KCNIP4: variants seen among roughly 807,000 people sequenced by gnomAD.
KCNIP4 encodes potassium voltage-gated channel interacting protein 4.
Under a neutral mutation model 34.0 loss-of-function variants are expected in KCNIP4, and 12 were observed. The observed-to-expected ratio is 0.35, with a 90% confidence interval of 0.23 to 0.57. The LOEUF (loss-of-function observed/expected upper bound fraction) is 0.57. KCNIP4 is among the 20% of genes least tolerant of loss of function. The pLI, the probability that KCNIP4 is intolerant of heterozygous loss-of-function variation, is 0.83. For synonymous variants in KCNIP4, 124 were observed against 102.2 expected, an observed-to-expected ratio of 1.21 and a Z score of -1.29; for missense variants, 238 against 311.7, an observed-to-expected ratio of 0.76 and a Z score of 1.78.
intron 1 of KCNIP4, among the ~76,000 whole-genome samples, chr4:21,006,046 C>T (rs9999353): frequency 0.023 from 3,565 of 152,212 alleles, 149 homozygotes; most frequent in African/African-American, 0.081. Context: ...GATTGAAGCA[C>T]AGAGAGACTA....
At chr4:21,264,939 A>G (rs1761700484) in intron 1 of KCNIP4, among the ~76,000 whole-genome samples, 1 of 151,956 alleles carries the variant, frequency 6.6e-6, no homozygotes, top group Non-Finnish European at 1.5e-5. Flanking sequence ...TCTCTACTAA[A>G]AATAAAACAC....
intron 1 of KCNIP4, among the ~76,000 whole-genome samples, chr4:21,005,345 A>G (rs1738464708): frequency 6.6e-6 from 1 of 152,124 alleles, no homozygotes; most frequent in African/African-American, 2.4e-5. Flanking sequence ...TAATCAGGAG[A>G]ATATAATCTT....
At chr4:20,802,847 G>T (rs1483346345) in intron 3 of KCNIP4, among the ~76,000 whole-genome samples, 1 of 152,034 alleles carries the variant, frequency 6.6e-6, no homozygotes, top group Admixed American at 6.5e-5. Flanking sequence ...GGCCGAGGCG[G>T]GCGGACCACG....
At chr4:21,920,602 C>T (rs1391341926) in intron 1 of KCNIP4, among the ~76,000 whole-genome samples, 1 of 152,004 alleles carries the variant, frequency 6.6e-6, no homozygotes, top group African/African-American at 2.4e-5. Flanking sequence ...CACCTGTACC[C>T]CAACCTATTG....
chr4:21,375,271 A>G (rs1055228147), intron 1 of KCNIP4, among the ~76,000 whole-genome samples: 2 of 130,860 alleles, frequency 1.5e-5, no homozygotes, highest in Admixed American at 1.4e-4. Context: ...GTTCAATTGC[A>G]TCCAAGAATG....
chr4:21,822,719 C>CTTTTT (rs71193413), intron 1 of KCNIP4, among the ~76,000 whole-genome samples: 2 of 137,868 alleles, frequency 1.5e-5, no homozygotes, highest in African/African-American at 2.7e-5. Context: ...ATTAATTTTC[C>CTTTTT]TTTTTTTTTT....
chr4:21,309,612 A>T (rs1033018120), intron 1 of KCNIP4, among the ~76,000 whole-genome samples: 20 of 152,178 alleles, frequency 1.3e-4, no homozygotes, highest in African/African-American at 4.6e-4. Context: ...CTTTATATGG[A>T]TTATTTCACT....
chr4:21,129,490 T>C (rs908924015), intron 1 of KCNIP4, among the ~76,000 whole-genome samples: 10 of 152,182 alleles, frequency 6.6e-5, no homozygotes, highest in Non-Finnish European at 5.9e-5. Context: ...AAAACAAAAC[T>C]TCAGATCTCT....
chr4:21,214,623 A>C (rs1243797057), intron 1 of KCNIP4, among the ~76,000 whole-genome samples: 5 of 152,212 alleles, frequency 3.3e-5, no homozygotes, highest in Non-Finnish European at 5.9e-5. Context: ...CTGGGACAAA[A>C]GGCCTTACCA....
chr4:21,766,321 C>T (rs1718415237), intron 1 of KCNIP4, among the ~76,000 whole-genome samples: 2 of 152,124 alleles, frequency 1.3e-5, no homozygotes, highest in Admixed American at 6.6e-5. Context: ...GACAGTTTCC[C>T]TTACCCACTT....
At chr4:21,400,465 T>TTTCTCCTCTCCTCTCCTCTCCTC (rs1553876082) in intron 1 of KCNIP4, among the ~76,000 whole-genome samples, 1 of 118,046 alleles carries the variant, frequency 8.5e-6, no homozygotes, top group African/African-American at 3.6e-5. Flanking sequence ...TTTCTTTCTG[T>TTTCTCCTCTCCTCTCCTCTCCTC]TCCTCTCCTC....
chr4:21,377,584 A>G (rs372899378), intron 1 of KCNIP4, among the ~76,000 whole-genome samples: 24 of 152,188 alleles, frequency 1.6e-4, no homozygotes, highest in Admixed American at 1.4e-3. Flanking sequence ...AAATAACTCA[A>G]AACTCAAATG....
intron 1 of KCNIP4, among the ~76,000 whole-genome samples, chr4:21,702,140 T>C (rs1480663358): frequency 1.3e-5 from 2 of 152,172 alleles, no homozygotes; most frequent in Non-Finnish European, 2.9e-5. Flanking sequence ...AGACATTAAT[T>C]TCTCACAATT....
intron 1 of KCNIP4, among the ~76,000 whole-genome samples, chr4:21,574,705 G>C (rs542308127): frequency 6.6e-6 from 1 of 152,240 alleles, no homozygotes; most frequent in East Asian, 1.9e-4. Context: ...TGGATAATAT[G>C]AACCAAGACT....
chr4:21,902,338 A>C (rs1049918058), intron 1 of KCNIP4, among the ~76,000 whole-genome samples: 1 of 152,300 alleles, frequency 6.6e-6, no homozygotes, highest in African/African-American at 2.4e-5. Flanking sequence ...GAAGTGAATT[A>C]AATATTTGAA....
intron 1 of KCNIP4, among the ~76,000 whole-genome samples, chr4:21,175,956 G>GTT (rs575902732): frequency 0.015 from 2,316 of 150,940 alleles, 60 homozygotes; most frequent in African/African-American, 0.053. Context: ...ACTCCCATTT[G>GTT]TTTTTTTTTA....
At chr4:21,779,599 A>G (rs989775274) in intron 1 of KCNIP4, among the ~76,000 whole-genome samples, 6 of 152,074 alleles carry the variant, frequency 3.9e-5, no homozygotes, top group Admixed American at 1.3e-4. Flanking sequence ...CCAGGAGAGG[A>G]AAAATAAGAA....
At chr4:21,778,035 A>C (rs1013979909) in intron 1 of KCNIP4, among the ~76,000 whole-genome samples, 16 of 152,070 alleles carry the variant, frequency 1.1e-4, no homozygotes, top group Admixed American at 9.8e-4. Flanking sequence ...ATAATTCTTC[A>C]AGAACCAATA....
intron 1 of KCNIP4, among the ~76,000 whole-genome samples, chr4:20,897,346 C>T (rs1266343475): frequency 2.6e-5 from 4 of 151,892 alleles, no homozygotes; most frequent in Admixed American, 6.6e-5. Context: ...TCTTCAAGAT[C>T]TCTCCCTTAC....
Sources: allele counts gnomAD v4.1 joint callset (sites outside exome capture counted in the v4.1 genomes callset), GRCh38; gene constraint gnomAD v4.1.1; transcripts MANE v1.5; gene names NCBI Gene and HGNC (gene_info 2026-07-23, HGNC 2026-07-21).